The following SV2C variants were observed in gnomAD, a reference collection of about 807,000 sequenced individuals.
SV2C encodes the protein synaptic vesicle glycoprotein 2C, also known as solute carrier family 22 member B3.
In SV2C, 49 loss-of-function variants were observed where a neutral mutation model predicts 79.7. That is an observed-to-expected ratio of 0.61 (90% CI 0.49 to 0.78). SV2C has a LOEUF of 0.78. SV2C is among the 30% of genes least tolerant of loss of function. SV2C has a pLI of 0.00. For synonymous variants in SV2C, 334 were observed against 333.2 expected (o/e 1.00, Z -0.03); for missense variants, 833 against 912.9 (o/e 0.91, Z 1.13).
At chr5:76,196,984 C>A (rs1296347689) in intron 3 of SV2C, among the ~76,000 whole-genome samples, 1 of 152,188 alleles carries the variant, frequency 6.6e-6, no homozygotes. Context: ...TATCCTCATT[C>A]CTACTGCAGA....
At chr5:76,239,654 C>T (rs1745721156) in intron 4 of SV2C, among the ~76,000 whole-genome samples, 1 of 152,280 alleles carries the variant, frequency 6.6e-6, no homozygotes, top group East Asian at 1.9e-4. Flanking sequence ...GAGCCTCTCC[C>T]CAAATGGGCC....
At chr5:75,892,229 T>C in the SV2C span, among the ~76,000 whole-genome samples, 2 of 152,068 alleles carry the variant, frequency 1.3e-5, no homozygotes, top group Non-Finnish European at 2.9e-5. Flanking sequence ...CATGTCACAT[T>C]AGTCACTACC....
the SV2C span, among the ~76,000 whole-genome samples, chr5:75,952,507 T>A: frequency 6.6e-6 from 1 of 151,850 alleles, no homozygotes; most frequent in Admixed American, 6.6e-5. Context: ...TGGGGCCTGG[T>A]GGGAGGTATT....
chr5:76,037,804 T>G, the SV2C span, among the ~76,000 whole-genome samples: 1 of 152,250 alleles, frequency 6.6e-6, no homozygotes, highest in Non-Finnish European at 1.5e-5. Flanking sequence ...TTTGTTTACC[T>G]AAGCAAGCCT....
intron 2 of SV2C, among the ~76,000 whole-genome samples, chr5:76,189,000 A>C (rs1283348399): frequency 6.6e-6 from 1 of 151,774 alleles, no homozygotes; most frequent in African/African-American, 2.4e-5. Flanking sequence ...GGAGAGAGGC[A>C]CCCCACTCCC....
intron 3 of SV2C, among the ~76,000 whole-genome samples, chr5:76,206,584 T>C (rs1316193795): frequency 1.3e-5 from 2 of 152,192 alleles, no homozygotes; most frequent in Non-Finnish European, 1.5e-5. Context: ...CTTTAAATCA[T>C]GAGAACAGAT....
At chr5:75,863,910 A>G in the SV2C span, among the ~76,000 whole-genome samples, 1 of 152,218 alleles carries the variant, frequency 6.6e-6, no homozygotes, top group Non-Finnish European at 1.5e-5. Flanking sequence ...TCAAGCTTTC[A>G]ATTTTCAATA....
chr5:75,915,241 C>A, the SV2C span, among the ~76,000 whole-genome samples: 9 of 152,194 alleles, frequency 5.9e-5, no homozygotes, highest in African/African-American at 2.2e-4. Context: ...AAGGTCACAA[C>A]TATCAGTGTG....
intron 1 of SV2C, among the ~76,000 whole-genome samples, chr5:76,116,016 C>G (rs1748251806): frequency 6.6e-6 from 1 of 152,230 alleles, no homozygotes; most frequent in African/African-American, 2.4e-5. Context: ...CTTTAAATTT[C>G]CTCTGCTCAG....
chr5:76,297,226 G>A (rs776725901), intron 9 of SV2C, among the ~76,000 whole-genome samples: 65 of 151,960 alleles, frequency 4.3e-4, no homozygotes, highest in Non-Finnish European at 5.9e-4. Context: ...TACCATTAAC[G>A]AAATTTTTTA....
chr5:76,077,516 TG>T, the SV2C span, among the ~76,000 whole-genome samples: 1 of 152,202 alleles, frequency 6.6e-6, no homozygotes, highest in South Asian at 2.1e-4. Context: ...GGGGTGTCTA[TG>T]GAAACAATGT....
the SV2C span, among the ~76,000 whole-genome samples, chr5:76,073,528 TATATATATATATATATAC>T: frequency 1.8e-4 from 22 of 125,326 alleles, no homozygotes; most frequent in African/African-American, 6.1e-4. Context: ...TATATATATA[TATATATATATATATATAC>T]ACCATGGAAT....
At chr5:76,150,523 T>C (rs1019162522) in intron 2 of SV2C, among the ~76,000 whole-genome samples, 22 of 152,046 alleles carry the variant, frequency 1.4e-4, no homozygotes, top group Admixed American at 1.4e-3. Flanking sequence ...AGAGGTTAGA[T>C]TGGAGATGTC....
chr5:76,075,372 G>T, the SV2C span, among the ~76,000 whole-genome samples: 1 of 152,212 alleles, frequency 6.6e-6, no homozygotes, highest in South Asian at 2.1e-4. Flanking sequence ...ATAACTGAAA[G>T]GGAGAGAGGA....
chr5:76,254,953 A>AT (rs1746223158), intron 4 of SV2C, among the ~76,000 whole-genome samples: 1 of 152,010 alleles, frequency 6.6e-6, no homozygotes, highest in Non-Finnish European at 1.5e-5. Context: ...ATTTATATTT[A>AT]TTTTTTATAA....
intron 2 of SV2C, among the ~76,000 whole-genome samples, chr5:76,140,616 C>T (rs1399390758): frequency 6.6e-6 from 1 of 152,056 alleles, no homozygotes; most frequent in Non-Finnish European, 1.5e-5. Context: ...TGTGTCTAAC[C>T]CCTGCTCAGT....
intron 2 of SV2C, among the ~76,000 whole-genome samples, chr5:76,160,242 C>T (rs919551760): frequency 5.3e-5 from 8 of 151,980 alleles, no homozygotes; most frequent in African/African-American, 9.7e-5. Flanking sequence ...TCAAAACATA[C>T]GGAATTTAAA....
the SV2C span, chr5:75,910,880 A>G: frequency 9.8e-7 from 1 of 1,021,716 alleles, no homozygotes; most frequent in Non-Finnish European, 1.5e-6. Flanking sequence ...TGAGATGATG[A>G]GCAAACTGCA....
At chr5:75,989,796 T>C in the SV2C span, among the ~76,000 whole-genome samples, 1 of 152,058 alleles carries the variant, frequency 6.6e-6, no homozygotes, top group East Asian at 1.9e-4. Context: ...CCAGCATCTG[T>C]TGTTTTTTGA....
Sources: gnomAD v4.1 joint callset for allele counts (sites outside exome capture counted in the v4.1 genomes callset) on GRCh38, gnomAD v4.1.1 for gene constraint, MANE v1.5 for transcripts, NCBI Gene and HGNC (gene_info 2026-07-23, HGNC 2026-07-21) for gene names.